Variants in SEMA6D observed in about 807,000 individuals in gnomAD.
The protein encoded by SEMA6D is semaphorin-6D.
A neutral mutation model predicts 106.6 loss-of-function variants in SEMA6D; 35 were observed. That is an observed-to-expected ratio of 0.33 (90% CI 0.25 to 0.44). The LOEUF (loss-of-function observed/expected upper bound fraction) is 0.44, where lower values mean the gene tolerates loss of function less well. SEMA6D is among the 20% of genes least tolerant of loss of function. The pLI is 1.00. For missense variants in SEMA6D, 1,185 were observed against 1,345.9 expected, an observed-to-expected ratio of 0.88 and a Z score of 1.87; for synonymous variants, 499 against 487.7, an observed-to-expected ratio of 1.02 and a Z score of -0.31.
chr15:47,529,726 C>A (rs888477857), intron 3 of SEMA6D, among the ~76,000 whole-genome samples: 4 of 151,728 alleles, frequency 2.6e-5, no homozygotes, highest in Non-Finnish European at 5.9e-5. Flanking sequence ...GAGCTTTGTT[C>A]CACAAATGAG....
chr15:47,627,084 A>C (rs1281574585), intron 4 of SEMA6D, among the ~76,000 whole-genome samples: 1 of 152,176 alleles, frequency 6.6e-6, no homozygotes, highest in Non-Finnish European at 1.5e-5. Context: ...TGTTTGGTAC[A>C]AGAATGGTAA....
At chr15:47,765,530 C>A in intron 13 of SEMA6D, 1 of 827,138 alleles carries the variant, frequency 1.2e-6, no homozygotes, top group Non-Finnish European at 1.5e-6. Flanking sequence ...GCCAAGGGGA[C>A]TAAGGAGAGA....
rs1597093490 is a variant in SEMA6D at position 47,768,455 on chromosome 15, T to C, written c.1766-126T>C. ...ATTTGATGTAGCTTCCTCAGGCGTG[T>C]TTTTACAAAATCCTAGAGCAAACTT... On this transcript the variant is annotated intron_variant, in intron 17 of 18. Transcript: ENST00000536845. 7.5e-6 allele frequency: 6 copies of C among 804,204 alleles called. No homozygotes were observed. The South Asian group carries it at 1.5e-4, about 21-fold the overall frequency. The allele number at this position is 804,204 out of a possible 1,614,324, so 49.8% of individuals were successfully genotyped here.
intron 1 of SEMA6D, among the ~76,000 whole-genome samples, chr15:47,263,898 C>G (rs1490957482): frequency 6.6e-6 from 1 of 150,910 alleles, no homozygotes; most frequent in African/African-American, 2.4e-5. Flanking sequence ...ATGAATGCAT[C>G]TATTCATTGC....
intron 4 of SEMA6D, among the ~76,000 whole-genome samples, chr15:47,695,053 C>T (rs1198879701): frequency 6.6e-6 from 1 of 152,074 alleles, no homozygotes; most frequent in African/African-American, 2.4e-5. Flanking sequence ...GCATATGCCC[C>T]CAGGGCTTAA....
At chr15:47,295,691 T>C (rs2035776445) in intron 1 of SEMA6D, among the ~76,000 whole-genome samples, 1 of 152,210 alleles carries the variant, frequency 6.6e-6, no homozygotes. Flanking sequence ...ACTTCAATGT[T>C]AGAATTAAGC....
At chr15:47,535,863 C>T (rs756476100) in intron 3 of SEMA6D, among the ~76,000 whole-genome samples, 21 of 152,006 alleles carry the variant, frequency 1.4e-4, no homozygotes, top group Non-Finnish European at 2.8e-4. Context: ...AATGAATCTT[C>T]AGGTAAGTGA....
At chr15:47,693,605 A>C (rs1317655362) in intron 4 of SEMA6D, among the ~76,000 whole-genome samples, 1 of 152,042 alleles carries the variant, frequency 6.6e-6, no homozygotes, top group African/African-American at 2.4e-5. Context: ...GTTTTGAAAA[A>C]TTTCAAATGC....
At chr15:47,648,977 C>T (rs2077633276) in intron 4 of SEMA6D, among the ~76,000 whole-genome samples, 2 of 152,120 alleles carry the variant, frequency 1.3e-5, no homozygotes, top group Non-Finnish European at 2.9e-5. Context: ...ATATGTAGTA[C>T]ATCTATATTT....
chr15:47,647,899 T>C (rs1270854650), intron 4 of SEMA6D, among the ~76,000 whole-genome samples: 1 of 152,174 alleles, frequency 6.6e-6, no homozygotes, highest in African/African-American at 2.4e-5. Context: ...TTTCCATCCC[T>C]AAGCAGGGAC....
intron 3 of SEMA6D, among the ~76,000 whole-genome samples, chr15:47,536,348 G>T (rs1834072674): frequency 6.6e-6 from 1 of 152,166 alleles, no homozygotes; most frequent in Admixed American, 6.5e-5. Context: ...TTCACATAGG[G>T]ATTCCAAATG....
intron 3 of SEMA6D, among the ~76,000 whole-genome samples, chr15:47,472,652 CAT>C (rs915814170): frequency 2.6e-5 from 4 of 151,888 alleles, no homozygotes; most frequent in African/African-American, 9.7e-5. Flanking sequence ...AAATCAATAA[CAT>C]ATTAAAAATA....
chr15:47,455,994 C>T (rs1160102984), intron 2 of SEMA6D, among the ~76,000 whole-genome samples: 5 of 151,790 alleles, frequency 3.3e-5, no homozygotes, highest in Admixed American at 6.6e-5. Flanking sequence ...ATGATGATGG[C>T]GATGATGATT....
intron 2 of SEMA6D, among the ~76,000 whole-genome samples, chr15:47,442,930 C>G (rs142394231): frequency 6.6e-6 from 1 of 152,230 alleles, no homozygotes; most frequent in East Asian, 1.9e-4. Flanking sequence ...TTGTCCCCTT[C>G]CCTCTAAGCC....
chr15:47,449,137 A>C (rs2042112656), intron 2 of SEMA6D, among the ~76,000 whole-genome samples: 1 of 152,076 alleles, frequency 6.6e-6, no homozygotes, highest in South Asian at 2.1e-4. Flanking sequence ...GTGACTTCCC[A>C]AAACCCAGGA....
chr15:47,295,344 C>T (rs998816711), intron 1 of SEMA6D, among the ~76,000 whole-genome samples: 5 of 152,294 alleles, frequency 3.3e-5, no homozygotes, highest in South Asian at 2.1e-4. Flanking sequence ...CCAACTTCAG[C>T]GGGAGCCAGG....
At chr15:47,714,609 A>G (rs776406572), upstream of SEMA6D, among the ~76,000 whole-genome samples, 1 of 152,272 alleles carries the variant, frequency 6.6e-6, no homozygotes, top group East Asian at 1.9e-4. Flanking sequence ...ATGTTTAAGC[A>G]TAATCACTAA....
At chr15:47,364,642 A>T (rs2038943600) in intron 1 of SEMA6D, among the ~76,000 whole-genome samples, 1 of 152,170 alleles carries the variant, frequency 6.6e-6, no homozygotes, top group Admixed American at 6.5e-5. Flanking sequence ...CTGTGAGTAG[A>T]GGAGGCAGCC....
intron 1 of SEMA6D, among the ~76,000 whole-genome samples, chr15:47,187,504 T>G (rs886346034): frequency 1.3e-5 from 2 of 152,180 alleles, no homozygotes; most frequent in African/African-American, 4.8e-5. Context: ...AGAACATCAT[T>G]GATGTCATGG....
Sources: allele counts gnomAD v4.1 joint callset (sites outside exome capture counted in the v4.1 genomes callset), GRCh38; gene constraint gnomAD v4.1.1; transcripts MANE v1.5; gene names NCBI Gene and HGNC (gene_info 2026-07-23, HGNC 2026-07-21).